The following FSTL5 variants were observed in gnomAD, a reference collection of about 807,000 sequenced individuals.
FSTL5 encodes follistatin like 5.
A neutral mutation model predicts 89.1 loss-of-function variants in FSTL5; 62 were observed. The ratio of observed to expected loss-of-function variants is 0.70; its 90% CI spans 0.57 to 0.86. The LOEUF (loss-of-function observed/expected upper bound fraction) is 0.86. Ranked by LOEUF, FSTL5 falls within the 40% of genes least tolerant of loss-of-function variation. FSTL5 has a pLI of 0.00. For missense variants in FSTL5, 1,057 were observed against 1,001.6 expected, an observed-to-expected ratio of 1.06 and a Z score of -0.75; for synonymous variants, 383 against 346.2, an observed-to-expected ratio of 1.11 and a Z score of -1.18.
At chr4:161,761,478 T>A (rs1740801258) in intron 5 of FSTL5, among the ~76,000 whole-genome samples, 1 of 152,228 alleles carries the variant, frequency 6.6e-6, no homozygotes, top group Admixed American at 6.5e-5. Flanking sequence ...TATTCAGACA[T>A]TTTAATGACT....
At chr4:161,964,948 A>C (rs359505) in intron 3 of FSTL5, among the ~76,000 whole-genome samples, 1 of 151,926 alleles carries the variant, frequency 6.6e-6, no homozygotes, top group Non-Finnish European at 1.5e-5. Flanking sequence ...TTATCATTCC[A>C]TTACTTTACT....
At chr4:161,551,154 G>T (rs1004099882) in intron 8 of FSTL5, among the ~76,000 whole-genome samples, 6 of 151,056 alleles carry the variant, frequency 4.0e-5, no homozygotes, top group African/African-American at 9.7e-5. Context: ...CTGAGGAATC[G>T]CCACACTGAC....
intron 4 of FSTL5, among the ~76,000 whole-genome samples, chr4:161,812,990 G>A (rs544621000): frequency 2.8e-4 from 42 of 149,266 alleles, no homozygotes; most frequent in Non-Finnish European, 4.9e-4. Context: ...TGGAGATTCT[G>A]GCAGTTAAGG....
intron 4 of FSTL5, among the ~76,000 whole-genome samples, chr4:161,812,454 G>A (rs1459903098): frequency 6.6e-6 from 1 of 152,056 alleles, no homozygotes; most frequent in Non-Finnish European, 1.5e-5. Context: ...TTGTTCAGTT[G>A]TGTGACTTTG....
At chr4:161,521,964 G>T (rs1160993455) in intron 10 of FSTL5, among the ~76,000 whole-genome samples, 1 of 151,838 alleles carries the variant, frequency 6.6e-6, no homozygotes, top group East Asian at 1.9e-4. Flanking sequence ...TCCTACTAGG[G>T]GCTGTCTCAC....
intron 13 of FSTL5, 130 bp downstream of exon 13, chr4:161,480,890 C>A: frequency 1.6e-6 from 1 of 611,614 alleles, no homozygotes; most frequent in Non-Finnish European, 2.8e-6. Flanking sequence ...GCAGAAAATG[C>A]ATAAATTTTC....
intron 3 of FSTL5, among the ~76,000 whole-genome samples, chr4:161,922,707 T>C (rs1221079179): frequency 6.6e-6 from 1 of 151,964 alleles, no homozygotes; most frequent in African/African-American, 2.4e-5. Context: ...AAAGACTAGG[T>C]GAATAATTTT....
intron 1 of FSTL5, among the ~76,000 whole-genome samples, chr4:162,130,335 T>A (rs996457362): frequency 2.6e-5 from 4 of 152,174 alleles, no homozygotes; most frequent in Admixed American, 2.0e-4. Context: ...GTTCATGAGT[T>A]TGAAAATTGC....
intron 15 of FSTL5, among the ~76,000 whole-genome samples, chr4:161,392,119 T>C: frequency 6.6e-6 from 1 of 152,218 alleles, no homozygotes; most frequent in Non-Finnish European, 1.5e-5. Flanking sequence ...AATTTAATTA[T>C]AGTACATTCA....
intron 4 of FSTL5, among the ~76,000 whole-genome samples, chr4:161,865,819 T>A (rs558100128): frequency 2.0e-5 from 3 of 152,224 alleles, no homozygotes; most frequent in African/African-American, 7.2e-5. Context: ...TTTGCTGCCA[T>A]TGCTTGAAAC....
At chr4:161,739,960 C>A (rs1323198502) in intron 6 of FSTL5, among the ~76,000 whole-genome samples, 2 of 151,762 alleles carry the variant, frequency 1.3e-5, no homozygotes, top group Non-Finnish European at 2.9e-5. Context: ...TAAATAATCC[C>A]AGATAGTAAT....
At chr4:161,457,445 G>T (rs1733396803) in intron 14 of FSTL5, among the ~76,000 whole-genome samples, 1 of 152,026 alleles carries the variant, frequency 6.6e-6, no homozygotes, top group South Asian at 2.1e-4. Context: ...TTAGATGGTT[G>T]AATAATGTGT....
intron 4 of FSTL5, among the ~76,000 whole-genome samples, chr4:161,918,655 A>T (rs3925370): frequency 0.89 from 135,102 of 151,096 alleles, 60,913 homozygotes; most frequent in Non-Finnish European, 0.96. Context: ...TTATTTATTT[A>T]TTTTTTTGAG....
At chr4:161,934,596 T>G (rs1734382313) in intron 3 of FSTL5, among the ~76,000 whole-genome samples, 1 of 151,876 alleles carries the variant, frequency 6.6e-6, no homozygotes, top group Non-Finnish European at 1.5e-5. Flanking sequence ...ACTAGCTGTG[T>G]AATTTTAGAA....
chr4:161,932,172 C>A (rs943782282), intron 3 of FSTL5, among the ~76,000 whole-genome samples: 4 of 151,782 alleles, frequency 2.6e-5, no homozygotes, highest in African/African-American at 7.3e-5. Context: ...CAAATTCTTG[C>A]CTGTAAATTT....
chr4:161,963,862 A>G (rs1735248902), intron 3 of FSTL5, among the ~76,000 whole-genome samples: 1 of 152,006 alleles, frequency 6.6e-6, no homozygotes, highest in Non-Finnish European at 1.5e-5. Flanking sequence ...AAGTGATCTG[A>G]GTAATTTCTG....
At chr4:161,845,569 G>A (rs190257335) in intron 4 of FSTL5, among the ~76,000 whole-genome samples, 1 of 152,282 alleles carries the variant, frequency 6.6e-6, no homozygotes, top group East Asian at 1.9e-4. Context: ...GAATACATTG[G>A]AAACTTTTGC....
intron 4 of FSTL5, among the ~76,000 whole-genome samples, chr4:161,851,376 G>T (rs569895095): frequency 2.6e-5 from 4 of 152,138 alleles, no homozygotes; most frequent in African/African-American, 4.8e-5. Flanking sequence ...AGAATAATCT[G>T]TTTAGTTGTT....
chr4:161,832,242 C>T (rs190901890), intron 4 of FSTL5, among the ~76,000 whole-genome samples: 13 of 152,158 alleles, frequency 8.5e-5, no homozygotes, highest in Middle Eastern at 3.4e-3. Context: ...CTGAACCAAA[C>T]GAATGAGCTG....
Sources: gnomAD v4.1 joint callset for allele counts (sites outside exome capture counted in the v4.1 genomes callset) on GRCh38, gnomAD v4.1.1 for gene constraint, MANE v1.5 for transcripts, NCBI Gene and HGNC (gene_info 2026-07-23, HGNC 2026-07-21) for gene names.